IGF2R: variants seen among roughly 807,000 people sequenced by gnomAD.
IGF2R encodes the protein cation-independent mannose-6-phosphate receptor.
IGF2R carries 91 observed loss-of-function variants against 270.6 expected under a neutral mutation model. The ratio of observed to expected loss-of-function variants is 0.34; its 90% CI spans 0.28 to 0.40. IGF2R has a LOEUF of 0.40. Among genes scored for constraint, IGF2R ranks in the 10% least tolerant of loss-of-function variants. IGF2R has a pLI of 1.00. For missense variants in IGF2R, 2,805 were observed against 3,188.3 expected (o/e 0.88, Z 2.90); for synonymous variants, 1,316 against 1,258.9 (o/e 1.05, Z -0.96).
chr6:160,028,240 G>A (rs995434052), intron 6 of IGF2R, among the ~76,000 whole-genome samples: 1 of 152,170 alleles, frequency 6.6e-6, no homozygotes, highest in Non-Finnish European at 1.5e-5. Flanking sequence ...GTGTCTTCAC[G>A]TGGCCTTCCC....
chr6:160,039,945 A>G (rs1261318767), intron 10 of IGF2R, among the ~76,000 whole-genome samples: 1 of 152,172 alleles, frequency 6.6e-6, no homozygotes, highest in East Asian at 1.9e-4. Flanking sequence ...GGTGTTACAG[A>G]CAGGTGCACT....
intron 29 of IGF2R, among the ~76,000 whole-genome samples, 172 bp from the exon 30 acceptor site, chr6:160,068,065 GGTGTGTGTGTGT>G (rs879058804): frequency 5.2e-5 from 4 of 77,402 alleles, no homozygotes; most frequent in South Asian, 3.6e-4. Flanking sequence ...TCTGATGGGG[GGTGTGTGTGTGT>G]GTGTGTGTGT....
chr6:160,100,316 C>G (rs1280010308), intron 45 of IGF2R, among the ~76,000 whole-genome samples: 4 of 151,830 alleles, frequency 2.6e-5, no homozygotes, highest in Non-Finnish European at 5.9e-5. Context: ...AGAAAATAAT[C>G]TGAAAGAAAG....
At chr6:160,033,663 C>T (rs546676071) in intron 9 of IGF2R, among the ~76,000 whole-genome samples, 9 of 152,334 alleles carry the variant, frequency 5.9e-5, no homozygotes, top group Admixed American at 2.0e-4. Context: ...GCTGTTTGTA[C>T]GGAACCTACT....
At chr6:160,079,317 G>A (rs529898249) in intron 37 of IGF2R, among the ~76,000 whole-genome samples, 100 of 152,352 alleles carry the variant, frequency 6.6e-4, no homozygotes, top group Admixed American at 2.3e-3. Flanking sequence ...GGAGACGACA[G>A]CCAGAGCAGT....
chr6:160,032,057 A>G (rs1335154681), intron 7 of IGF2R, among the ~76,000 whole-genome samples: 1 of 152,176 alleles, frequency 6.6e-6, no homozygotes, highest in African/African-American at 2.4e-5. Flanking sequence ...CAGGATCCCA[A>G]AGGGGTTGTG....
chr6:160,009,579 G>T (rs1053851763), intron 3 of IGF2R, among the ~76,000 whole-genome samples: 1 of 152,082 alleles, frequency 6.6e-6, no homozygotes, highest in African/African-American at 2.4e-5. Context: ...GTGGGTATGG[G>T]GTTCTCAAGT....
chr6:160,098,608 C>G (rs1474667274), intron 45 of IGF2R, among the ~76,000 whole-genome samples: 1 of 152,130 alleles, frequency 6.6e-6, no homozygotes, highest in Non-Finnish European at 1.5e-5. Context: ...CACTTGAGGT[C>G]AGGAGTTCTA....
In IGF2R at chr6:160,029,604, T is replaced by A. The variant is rs778898524; in HGVS notation, c.831T>A (p.Gly277=). 2 of 1,614,164 alleles carry A rather than the reference T, an allele frequency of 1.2e-6. No individual in the cohort carries two copies. The highest frequency in any genetic ancestry group is 3.3e-5 in the Admixed American group (2 of 60,020). Residue 277 remains glycine (G), a synonymous_variant, in exon 7 of 48, where the codon GGT becomes GGA. Transcript: ENST00000356956. ...CAGGAAAGCTAGACTTTTGTGATGGTCACAGCCCTGCGGTGACTATTACAT... is the reference window on the plus strand; with the variant it reads ...CAGGAAAGCTAGACTTTTGTGATGGACACAGCCCTGCGGTGACTATTACAT... The part of the protein sequence containing the change: ...EEAGKLDFCD[G]HSPAVTITFV...
chr6:160,060,810 T>TTG (rs140808704), intron 23 of IGF2R, 93 bp downstream of exon 23: 37 of 1,253,286 alleles, frequency 3.0e-5, no homozygotes, highest in Non-Finnish European at 3.5e-5. Context: ...GTATGTATAT[T>TTG]TGTGTGTGTG....
At position 160,027,225 on chromosome 6, in the gene IGF2R, C is replaced by T. The variant is rs1025884357; in HGVS notation, c.687C>T (p.Pro229=). ...RDPGSQLRAC[P]PGTAACLVRG... ...CAGGTTCACAGCTGCGGGCCTGTCC[C>T]CCCGGCACTGCCGCCTGCCTGGTAA... The change falls in exon 6 of 48, where the codon CCC becomes CCT. Residue 229 remains proline (P), a synonymous_variant. Transcript: ENST00000356956. The T allele has an allele frequency of 1.2e-6, 2 of 1,614,268 alleles. No homozygotes were observed. The highest frequency in any genetic ancestry group is 1.7e-5 in the Admixed American group (1 of 60,036).
chr6:160,023,363 A>AT (rs768028375), intron 4 of IGF2R, among the ~76,000 whole-genome samples: 1 of 152,118 alleles, frequency 6.6e-6, no homozygotes, highest in Non-Finnish European at 1.5e-5. Flanking sequence ...ATTTGTTGAG[A>AT]TGAGGAACAC....
Position 160,105,129 on chromosome 6 carries a change from G to A in IGF2R, c.*45G>A, listed in dbSNP as rs1354884857. On this transcript the variant is annotated 3_prime_UTR_variant, in exon 48 of 48. Transcript: ENST00000356956. ...GAGCACGGAGCCGCGGGACAGCCAA[G>A]CACCTCCAACCAAATAAGACTTCCA... The A allele has an allele frequency of 1.2e-5, 18 of 1,443,312 alleles. No homozygotes were observed. Among genetic ancestry groups the A allele is most frequent in the African/African-American group, 7.2e-5 (5 of 69,804 alleles). 89.4% of individuals were successfully genotyped at this position (1,443,312 alleles called of 1,614,324 possible).
At chr6:160,029,163 T>C (rs1777635732) in intron 6 of IGF2R, among the ~76,000 whole-genome samples, 1 of 152,098 alleles carries the variant, frequency 6.6e-6, no homozygotes, top group African/African-American at 2.4e-5. Context: ...GTAGTTTTAG[T>C]AGAGATGGAG....
intron 1 of IGF2R, among the ~76,000 whole-genome samples, chr6:159,982,401 A>G (rs1783820288): frequency 6.6e-6 from 1 of 152,132 alleles, no homozygotes; most frequent in South Asian, 2.1e-4. Context: ...AAAGTAGGAG[A>G]ATCTTTTTTG....
At chr6:160,012,876 C>T (rs1784360508) in intron 4 of IGF2R, among the ~76,000 whole-genome samples, 1 of 151,446 alleles carries the variant, frequency 6.6e-6, no homozygotes, top group Non-Finnish European at 1.5e-5. Flanking sequence ...ATCCGCCTGC[C>T]TCGGCCTCCC....
chr6:159,999,340 G>A (rs1401446977), intron 2 of IGF2R, among the ~76,000 whole-genome samples: 1 of 152,238 alleles, frequency 6.6e-6, no homozygotes, highest in Non-Finnish European at 1.5e-5. Flanking sequence ...TTAATCGGAA[G>A]TCAGCAGGGC....
chr6:160,077,408 G>A (rs1018184525), intron 36 of IGF2R, among the ~76,000 whole-genome samples: 2 of 152,160 alleles, frequency 1.3e-5, no homozygotes, highest in African/African-American at 4.8e-5. Flanking sequence ...GTGATGCTTT[G>A]TTATCTACAC....
At chr6:160,014,667 GA>G (rs1274098468) in intron 4 of IGF2R, among the ~76,000 whole-genome samples, 1 of 152,194 alleles carries the variant, frequency 6.6e-6, no homozygotes, top group Non-Finnish European at 1.5e-5. Flanking sequence ...GCTGGTTAGA[GA>G]ATTGCATCTT....
Sources: allele counts gnomAD v4.1 joint callset (sites outside exome capture counted in the v4.1 genomes callset), GRCh38; gene constraint gnomAD v4.1.1; transcripts MANE v1.5; gene names NCBI Gene and HGNC (gene_info 2026-07-23, HGNC 2026-07-21).